The following DSG3 variants were observed in gnomAD, a reference collection of about 807,000 sequenced individuals.
DSG3 encodes the protein desmoglein 3.
A neutral mutation model predicts 85.9 loss-of-function variants in DSG3; 63 were observed. That is an observed-to-expected ratio of 0.73 (90% confidence interval 0.60 to 0.90). The LOEUF (loss-of-function observed/expected upper bound fraction) is 0.90, where lower values mean the gene tolerates loss of function less well. Ranked by LOEUF, DSG3 falls within the 40% of genes least tolerant of loss-of-function variation. The pLI is 0.00. For missense variants in DSG3, 1,220 were observed against 1,219.9 expected (o/e 1.00, Z 0.00); for synonymous variants, 447 against 441.9 (o/e 1.01, Z -0.14).
At chr18:31,460,142 A>G in intron 6 of DSG3, 131 bp downstream of exon 6, 1 of 994,896 alleles carries the variant, frequency 1.0e-6, no homozygotes, top group Non-Finnish European at 1.4e-6. Flanking sequence ...TGGCTAATCT[A>G]GGGAAATTGT....
Position 31,474,152 on chromosome 18 carries a change from A to G in DSG3, c.2133A>G (p.Thr711=), listed in dbSNP as rs748978587. 1.9e-6 allele frequency: 3 copies of G among 1,613,782 alleles called. No individual in the cohort carries two copies. Among genetic ancestry groups the G allele is most frequent in the South Asian group, 1.1e-5 (1 of 91,080 alleles). Reference sequence around the variant, plus strand: ...GTACAAATACGTATGCCAGAGGCACAGCGGTGGAAGGCACTTCAGGAATGG... The same window carrying G: ...GTACAAATACGTATGCCAGAGGCACGGCGGTGGAAGGCACTTCAGGAATGG... The part of the protein sequence containing the change: ...EVCTNTYARG[T]AVEGTSGMEM... Residue 711 remains threonine, a synonymous_variant, in exon 15 of 16, where the codon ACA becomes ACG. Transcript: ENST00000257189.
Position 31,476,891 on chromosome 18 carries a change from G to A in DSG3, c.*631G>A, listed in dbSNP as rs1052361188. 1.3e-5 allele frequency: 2 copies of A among 151,738 alleles called. No homozygotes were observed. Among genetic ancestry groups the A allele is most frequent in the Non-Finnish European group, 2.9e-5 (2 of 67,956 alleles). 9.4% of individuals were successfully genotyped at this position (151,738 alleles called of 1,614,324 possible). A position where few individuals can be genotyped will look rare whatever the true frequency, so the allele number is the denominator to read the frequency against. ...GGAGAATGGCATGAACCCGGGAAGC[G>A]GAGCTTGCAGTGAGCCGAGATTGCG... On this transcript the variant is annotated 3_prime_UTR_variant, in exon 16 of 16. Coordinates refer to ENST00000257189, the MANE Select transcript of DSG3 (RefSeq NM_001944.3).
intron 1 of DSG3, among the ~76,000 whole-genome samples, chr18:31,451,128 C>A (rs373859126): frequency 1.3e-5 from 2 of 151,866 alleles, no homozygotes; most frequent in South Asian, 2.1e-4. Flanking sequence ...TTTTATGCAA[C>A]GTAAAATAAA....
rs570888912 is a variant in DSG3 at position 31,463,533 on chromosome 18, A to G, written c.1000-578A>G. Among the ~76,000 whole-genome samples the G allele has an allele frequency of 3.9e-5, 6 of 152,354 alleles. No individual in the cohort carries two copies. In the South Asian group the frequency reaches 1.2e-3, roughly 32 times the overall value. On this transcript the variant is annotated intron_variant, in intron 8 of 15. Coordinates refer to ENST00000257189, the MANE Select transcript of DSG3 (RefSeq NM_001944.3). ...TAAGGGGATCAAACAAATGGCTATC[A>G]TGCAAGACCTTCTGAAAATGAGTCC...
chr18:31,471,426 G>A (rs914782915), intron 12 of DSG3, among the ~76,000 whole-genome samples: 3 of 152,194 alleles, frequency 2.0e-5, no homozygotes, highest in Non-Finnish European at 4.4e-5. Flanking sequence ...TTACATAGCT[G>A]TTAAGTGGTA....
chr18:31,460,030 G>A lies in DSG3; in HGVS notation c.684+19G>A, dbSNP rs1271098264. On this transcript the variant is annotated intron_variant, in intron 6 of 15. Coordinates refer to ENST00000257189, the MANE Select transcript of DSG3 (RefSeq NM_001944.3). ...CCGAGAGGTACAGCAAAGCACTTGG[G>A]GGAACATTCAAGATTAAAGGGTTTG... is the stretch of plus-strand genomic sequence containing the variant. 4.4e-6 allele frequency: 7 copies of A among 1,597,060 alleles called. No homozygotes were observed. The highest frequency in any genetic ancestry group is 6.0e-6 in the Non-Finnish European group (7 of 1,170,948).
intron 1 of DSG3, among the ~76,000 whole-genome samples, chr18:31,454,882 C>T (rs988386104): frequency 5.3e-5 from 8 of 151,916 alleles, no homozygotes; most frequent in Non-Finnish European, 1.2e-4. Flanking sequence ...CCTGTAATCC[C>T]TGTTACTCGG....
chr18:31,456,376 C>G, intron 1 of DSG3, 64 bp from the exon 2 acceptor site: 1 of 972,278 alleles, frequency 1.0e-6, no homozygotes, highest in Middle Eastern at 2.4e-4. Flanking sequence ...CAGGATTATT[C>G]ATTGTATATA....
Position 31,478,615 on chromosome 18 carries a change from T to C in DSG3, c.*2355T>C, listed in dbSNP as rs2072903591. ...TTTAAAACTGTACTACTTGATGTAT[T>C]ATACATTTTGAACCATATGTATTAA... On this transcript the variant is annotated 3_prime_UTR_variant, in exon 16 of 16. Coordinates refer to ENST00000257189, the MANE Select transcript of DSG3 (RefSeq NM_001944.3). 6.6e-6 allele frequency: 1 copy of C among 152,242 alleles called. No homozygotes were observed. Among genetic ancestry groups the C allele is most frequent in the South Asian group, 2.1e-4 (1 of 4,836 alleles). The allele number at this position is 152,242 out of a possible 1,614,324, so 9.4% of individuals were successfully genotyped here. A position where few individuals can be genotyped will look rare whatever the true frequency, so the allele number is the denominator to read the frequency against.
At position 31,459,105 on chromosome 18, in the gene DSG3, G is replaced by A. The variant is rs1346951191; in HGVS notation, c.445G>A (p.Asp149Asn). 6.2e-7 allele frequency: 1 copy of A among 1,613,306 alleles called. No individual in the cohort carries two copies. The highest frequency in any genetic ancestry group is 8.5e-7 in the Non-Finnish European group (1 of 1,179,798). ...KPLILTVKIL[D>N]INDNPPVFSQ... ...ACTTATACTAACGGTTAAAATTTTG[G>A]ATATTAATGATAATCCTCCAGTATT... The change falls in exon 5 of 16, where the codon GAT (aspartate) becomes AAT (asparagine). Residue 149 changes from aspartate (D) to asparagine (N), a missense_variant. Physicochemically the swap from Asp to Asn is conservative, Grantham distance 23. Transcript: ENST00000257189.
rs762074898 is a variant in DSG3, at chr18:31,474,369, A to G, written c.2350A>G (p.Ile784Val). The change falls in exon 15 of 16, where the codon ATA (isoleucine) becomes GTA (valine). Residue 784 changes from isoleucine (I) to valine (V), a missense_variant. Ile to Val is a conservative substitution (Grantham distance 29). Coordinates refer to ENST00000257189, the MANE Select transcript of DSG3 (RefSeq NM_001944.3). Reference sequence around the variant, plus strand: ...CAATAAGGACTACGCTGATGGGGCGATAAGCATGAATTTTCTGGACTCCTA... The same window carrying G: ...CAATAAGGACTACGCTGATGGGGCGGTAAGCATGAATTTTCTGGACTCCTA... ...GTNKDYADGA[I>V]SMNFLDSYFS... 1.2e-6 allele frequency: 2 copies of G among 1,609,248 alleles called. No homozygotes were observed. The highest frequency in any genetic ancestry group is 1.7e-6 in the Non-Finnish European group (2 of 1,176,894).
intron 8 of DSG3, 34 bp downstream of exon 8, chr18:31,461,446 AT>A (rs754910091): frequency 2.0e-6 from 3 of 1,537,376 alleles, no homozygotes; most frequent in South Asian, 2.4e-5. Context: ...GGTAAAAAAA[AT>A]TCTGTATTAA....
At position 31,455,284 on chromosome 18, in the gene DSG3, T is replaced by C. The variant is rs377328231; in HGVS notation, c.49-1156T>C. ...ACACAATAAACATTAGCTACTGTTA[T>C]TACTCTTCTAGTTTTTTTTTTCTTC... On this transcript the variant is annotated intron_variant, in intron 1 of 15. Transcript: ENST00000257189. 2.6e-3 allele frequency among the ~76,000 whole-genome samples: 389 copies of C among 152,262 alleles called. 19 individuals are homozygous for C. In the South Asian group the frequency reaches 0.078, roughly 30 times the overall value.
Position 31,459,942 on chromosome 18 carries a change from C to G in DSG3, c.615C>G (p.Gly205=). 1 of 1,614,080 alleles carries G rather than the reference C, an allele frequency of 6.2e-7. No individual in the cohort carries two copies. Among genetic ancestry groups the G allele is most frequent in the Non-Finnish European group, 8.5e-7 (1 of 1,179,988 alleles). Residue 205 remains glycine (G), a synonymous_variant, in exon 6 of 16, where the codon GGC becomes GGG. Transcript: ENST00000257189. Reference sequence around the variant, plus strand: ...AAATTGTCTCTCAGGAACCAGCAGGCACACCCATGTTCCTCCTAAGCAGAA... The same window carrying G: ...AAATTGTCTCTCAGGAACCAGCAGGGACACCCATGTTCCTCCTAAGCAGAA... ...AFKIVSQEPA[G]TPMFLLSRNT...
In DSG3 at chr18:31,478,186, C is replaced by T. The variant is rs1157527665; in HGVS notation, c.*1926C>T. ...GATCCTGTGCAGCAGCCTGGTAAGT[C>T]CTGAGGAGGTTCCATTGCTCTTCCT... On this transcript the variant is annotated 3_prime_UTR_variant, in exon 16 of 16. Coordinates refer to ENST00000257189, the MANE Select transcript of DSG3 (RefSeq NM_001944.3). 3 of 152,224 alleles carry T rather than the reference C, an allele frequency of 2.0e-5. No individual in the cohort carries two copies. The highest frequency in any genetic ancestry group is 7.2e-5 in the African/African-American group (3 of 41,434). 9.4% of individuals were successfully genotyped at this position (152,224 alleles called of 1,614,324 possible).
rs752480464 is a variant in DSG3 at position 31,459,806 on chromosome 18, G to T, written c.518-39G>T. On this transcript the variant is annotated intron_variant, in intron 5 of 15. Transcript: ENST00000257189. ...ATTTAAAGTAAACATAATGTTAATTGTTACATATTCTTTAATAAACGTTTT... is the reference window on the plus strand; with the variant it reads ...ATTTAAAGTAAACATAATGTTAATTTTTACATATTCTTTAATAAACGTTTT... 1.9e-6 allele frequency: 3 copies of T among 1,541,142 alleles called. No homozygotes were observed. The South Asian group carries it at 3.6e-5, about 19-fold the overall frequency.
intron 9 of DSG3, 22 bp from the exon 10 acceptor site, chr18:31,465,296 T>A: frequency 2.9e-6 from 4 of 1,371,408 alleles, no homozygotes; most frequent in Middle Eastern, 2.2e-4. Flanking sequence ...AGAAAACTGA[T>A]TTTTTTAATA....
intron 1 of DSG3, among the ~76,000 whole-genome samples, chr18:31,450,379 T>C (rs2072704187): frequency 6.6e-6 from 1 of 152,120 alleles, no homozygotes; most frequent in Admixed American, 6.5e-5. Context: ...TGGACATGAA[T>C]TGGAAAGGCA....
intron 11 of DSG3, among the ~76,000 whole-genome samples, chr18:31,468,438 G>A (rs990044769): frequency 3.1e-4 from 47 of 152,158 alleles, no homozygotes; most frequent in African/African-American, 8.9e-4. Flanking sequence ...AAATGATGTC[G>A]CCCATCTTCT....
Sources: allele counts gnomAD v4.1 joint callset (sites outside exome capture counted in the v4.1 genomes callset), GRCh38; gene constraint gnomAD v4.1.1; transcripts MANE v1.5; gene names NCBI Gene and HGNC (gene_info 2026-07-23, HGNC 2026-07-21).